The following DMD variants were observed in gnomAD, a reference collection of about 807,000 sequenced individuals.
The protein encoded by DMD is dystrophin.
A neutral mutation model predicts 330.1 loss-of-function variants in DMD; 63 were observed. The observed-to-expected ratio is 0.19, with a 90% CI of 0.16 to 0.24. The LOEUF (loss-of-function observed/expected upper bound fraction) is 0.24, where lower values mean the gene tolerates loss of function less well. Ranked by LOEUF, DMD falls within the 10% of genes least tolerant of loss-of-function variation. The probability of loss-of-function intolerance (pLI) is 1.00; values close to 1 mark genes in which losing one functional copy is unlikely to be tolerated. For synonymous variants in DMD, 1,223 were observed against 959.8 expected (o/e 1.27, Z -5.07); for missense variants, 3,344 against 2,684.1 (o/e 1.25, Z -5.43).
At chrX:32,013,292 G>A (rs778237513) in intron 44 of DMD, among the ~76,000 whole-genome samples, 129 of 108,715 alleles carry the variant, frequency 1.2e-3, no homozygotes, top group African/African-American at 3.6e-3. Context: ...TCACCATGTT[G>A]GCCAGGATGG....
At chrX:32,491,138 C>A (rs1411277522) in intron 20 of DMD, 139 bp downstream of exon 20, 6 of 780,320 alleles carry the variant, frequency 7.7e-6, no homozygotes, top group Non-Finnish European at 1.1e-5. Flanking sequence ...CTGTTGCTTA[C>A]ATTTTGAACT....
At chrX:32,933,349 G>A (rs2089747141) in intron 2 of DMD, among the ~76,000 whole-genome samples, 2 of 111,245 alleles carry the variant, frequency 1.8e-5, no homozygotes, top group Admixed American at 1.9e-4. Context: ...ATTGGTCGGG[G>A]TAGGTGATTA....
chrX:32,678,462 T>A (rs2062121271), intron 9 of DMD, among the ~76,000 whole-genome samples: 1 of 110,962 alleles, frequency 9.0e-6, no homozygotes, highest in South Asian at 3.8e-4. Flanking sequence ...GAATTACAGA[T>A]AAAAGTCAGA....
chrX:32,437,347 G>C (rs973508760), intron 29 of DMD, among the ~76,000 whole-genome samples: 1 of 111,923 alleles, frequency 8.9e-6, no homozygotes, highest in Non-Finnish European at 1.9e-5. Context: ...GGATAGAGAA[G>C]AGGTTTTCCT....
intron 1 of DMD, among the ~76,000 whole-genome samples, chrX:33,052,148 T>C (rs1043436406): frequency 3.6e-5 from 4 of 111,769 alleles, no homozygotes; most frequent in African/African-American, 9.8e-5. Flanking sequence ...AGAATTGTAG[T>C]TTAAAATATT....
chrX:32,725,642 ATAT>A (rs1226208104), intron 7 of DMD, among the ~76,000 whole-genome samples: 1 of 111,261 alleles, frequency 9.0e-6, no homozygotes, highest in Admixed American at 9.6e-5. Flanking sequence ...AATAAAGCAA[ATAT>A]TATTAGAGCT....
intron 11 of DMD, among the ~76,000 whole-genome samples, chrX:32,642,610 C>G (rs772985807): frequency 8.9e-6 from 1 of 111,905 alleles, no homozygotes; most frequent in Non-Finnish European, 1.9e-5. Context: ...ATGTTAGAAT[C>G]ACAGATAAAA....
intron 49 of DMD, among the ~76,000 whole-genome samples, chrX:31,821,751 G>C (rs754042135): frequency 8.9e-6 from 1 of 112,093 alleles, no homozygotes; most frequent in African/African-American, 3.2e-5. Context: ...CTGCGTTTTT[G>C]TATCACTGTA....
At chrX:33,235,815 G>A (rs1379601804) in intron 1 of DMD, among the ~76,000 whole-genome samples, 1 of 109,959 alleles carries the variant, frequency 9.1e-6, no homozygotes, top group Non-Finnish European at 1.9e-5. Context: ...CCATTAATTA[G>A]CAAGGACAGC....
At chrX:31,216,803 C>A (rs988050192) in intron 64 of DMD, among the ~76,000 whole-genome samples, 3 of 111,712 alleles carry the variant, frequency 2.7e-5, no homozygotes, top group Non-Finnish European at 5.6e-5. Context: ...GAAGGCGGTG[C>A]ATTTTTCACC....
At chrX:32,000,232 G>C (rs1353599538) in intron 44 of DMD, among the ~76,000 whole-genome samples, 1 of 112,034 alleles carries the variant, frequency 8.9e-6, no homozygotes, top group Non-Finnish European at 1.9e-5. Context: ...CAGTTGCATA[G>C]TACTCTGACT....
At chrX:31,326,597 A>AG (rs2056803114) in intron 61 of DMD, among the ~76,000 whole-genome samples, 1 of 109,547 alleles carries the variant, frequency 9.1e-6, no homozygotes, top group Non-Finnish European at 1.9e-5. Flanking sequence ...ACAATAAAAA[A>AG]AAAAAAAAAA....
At chrX:32,244,716 G>C (rs955470893) in intron 43 of DMD, among the ~76,000 whole-genome samples, 1 of 93,007 alleles carries the variant, frequency 1.1e-5, no homozygotes, top group African/African-American at 4.0e-5. Flanking sequence ...GGCCAGTGAT[G>C]GTGAGGATTT....
intron 60 of DMD, among the ~76,000 whole-genome samples, chrX:31,353,300 A>T: frequency 9.0e-6 from 1 of 111,373 alleles, no homozygotes; most frequent in Non-Finnish European, 1.9e-5. Context: ...GCAGGCAAAG[A>T]GAACCACTGA....
intron 28 of DMD, among the ~76,000 whole-genome samples, chrX:32,440,560 G>A (rs754975228): frequency 9.0e-6 from 1 of 111,308 alleles, no homozygotes; most frequent in South Asian, 3.7e-4. Context: ...ATATAGATAA[G>A]TCAAAAGTAC....
intron 48 of DMD, among the ~76,000 whole-genome samples, chrX:31,858,596 AAAAT>A (rs1205643564): frequency 1.8e-5 from 2 of 110,010 alleles, no homozygotes; most frequent in Non-Finnish European, 3.8e-5. Flanking sequence ...TATAATAAAA[AAAAT>A]AAAATAGATA....
intron 77 of DMD, among the ~76,000 whole-genome samples, chrX:31,132,812 T>C (rs1010199008): frequency 1.8e-5 from 2 of 109,640 alleles, no homozygotes; most frequent in African/African-American, 6.6e-5. Context: ...TTATGAATTA[T>C]GACATCTAGA....
intron 60 of DMD, among the ~76,000 whole-genome samples, chrX:31,390,103 G>A (rs369589192): frequency 2.7e-5 from 3 of 110,262 alleles, no homozygotes; most frequent in African/African-American, 9.9e-5. Flanking sequence ...TGTGGGATTC[G>A]TAGCCGGATT....
chrX:32,410,888 C>T (rs1033052746), intron 30 of DMD, among the ~76,000 whole-genome samples: 10 of 111,873 alleles, frequency 8.9e-5, no homozygotes, highest in African/African-American at 3.2e-4. Flanking sequence ...TATTTTAATT[C>T]TCATTCTAGA....
Sources: gnomAD v4.1 joint callset for allele counts (sites outside exome capture counted in the v4.1 genomes callset) on GRCh38, gnomAD v4.1.1 for gene constraint, MANE v1.5 for transcripts, NCBI Gene and HGNC (gene_info 2026-07-23, HGNC 2026-07-21) for gene names.